RYR3: variants seen among roughly 807,000 people sequenced by gnomAD.
RYR3 encodes the protein ryanodine receptor 3.
Under a neutral mutation model 584.3 loss-of-function variants are expected in RYR3, and 207 were observed. The ratio of observed to expected loss-of-function variants is 0.35; its 90% CI spans 0.32 to 0.40. RYR3 has a LOEUF of 0.40. Among genes scored for constraint, RYR3 ranks in the 10% least tolerant of loss-of-function variants. The pLI is 1.00. For synonymous variants in RYR3, 2,416 were observed against 2,248.5 expected, an observed-to-expected ratio of 1.07 and a Z score of -2.11; for missense variants, 5,616 against 6,089.2, an observed-to-expected ratio of 0.92 and a Z score of 2.59.
At chr15:33,491,887 G>A (rs2050992290) in intron 2 of RYR3, among the ~76,000 whole-genome samples, 1 of 152,166 alleles carries the variant, frequency 6.6e-6, no homozygotes, top group African/African-American at 2.4e-5. Flanking sequence ...TGCCCTGGGT[G>A]AAAGATGTCA....
At position 33,652,888 on chromosome 15, in the gene RYR3, G is replaced by C. The variant is rs750848461; in HGVS notation, c.4308+5G>C. The C allele has an allele frequency of 3.1e-6, 5 of 1,603,034 alleles. No individual in the cohort carries two copies. The highest frequency in any genetic ancestry group is 4.3e-6 in the Non-Finnish European group (5 of 1,174,430). On this transcript the variant is annotated splice_donor_5th_base_variant and intron_variant, in intron 32 of 103. Transcript: ENST00000634891. ...GAACTGGGCACCTGCTACCAGGTAA[G>C]GGCGGCTTCTGGGGCCGAAACAGGG...
intron 76 of RYR3, among the ~76,000 whole-genome samples, chr15:33,819,037 C>G (rs1394223514): frequency 6.6e-6 from 1 of 152,080 alleles, no homozygotes; most frequent in East Asian, 1.9e-4. Flanking sequence ...GCAGGACAAT[C>G]GCTTGAACCC....
At chr15:33,626,237 G>A (rs577834018) in intron 20 of RYR3, among the ~76,000 whole-genome samples, 28 of 152,342 alleles carry the variant, frequency 1.8e-4, no homozygotes, top group African/African-American at 6.3e-4. Context: ...CCAAAGTGCT[G>A]ATAGTTATAT....
chr15:33,831,209 C>A (rs2077655912), intron 86 of RYR3, 118 bp downstream of exon 86: 1 of 923,024 alleles, frequency 1.1e-6, no homozygotes, highest in Non-Finnish European at 1.5e-6. Flanking sequence ...AGCCCTAATG[C>A]TGACAATTTT....
At chr15:33,775,821 C>T (rs1456759403) in intron 64 of RYR3, among the ~76,000 whole-genome samples, 2 of 152,216 alleles carry the variant, frequency 1.3e-5, no homozygotes, top group Admixed American at 6.5e-5. Flanking sequence ...CACACTTCAT[C>T]CTCATTGTTT....
At chr15:33,551,432 T>C (rs1413571731) in intron 10 of RYR3, among the ~76,000 whole-genome samples, 1 of 152,220 alleles carries the variant, frequency 6.6e-6, no homozygotes, top group Non-Finnish European at 1.5e-5. Context: ...TGCTTCCTAA[T>C]GCACCTGAAG....
At chr15:33,381,066 T>C (rs2041151812) in intron 1 of RYR3, among the ~76,000 whole-genome samples, 1 of 152,194 alleles carries the variant, frequency 6.6e-6, no homozygotes, top group Non-Finnish European at 1.5e-5. Context: ...GTCTATTAGA[T>C]CAATTTTCCT....
At chr15:33,539,723 G>A (rs75933233) in intron 6 of RYR3, among the ~76,000 whole-genome samples, 4,979 of 152,114 alleles carry the variant, frequency 0.033, 77 homozygotes, top group African/African-American at 0.042. Flanking sequence ...CTGATAATGT[G>A]AATAGCCTGT....
rs2061416475 is a variant in RYR3, at chr15:33,634,584, A to G, written c.3028-2A>G. On this transcript the variant is annotated splice_acceptor_variant, in intron 24 of 103. Coordinates refer to ENST00000634891, the MANE Select transcript of RYR3 (RefSeq NM_001036.6). LOFTEE classifies it high-confidence loss of function. Reference sequence around the variant, plus strand: ...GCACCTTTTTTCTCTGGCGTCACATAGGATTTGAAGAACAAAAGAAATCCC... The same window carrying G: ...GCACCTTTTTTCTCTGGCGTCACATGGGATTTGAAGAACAAAAGAAATCCC... The G allele has an allele frequency of 1.2e-6, 2 of 1,613,760 alleles. No homozygotes were observed. Among genetic ancestry groups the G allele is most frequent in the Non-Finnish European group, 1.7e-6 (2 of 1,179,794 alleles).
At chr15:33,673,767 A>G (rs1214081895) in intron 38 of RYR3, among the ~76,000 whole-genome samples, 1 of 152,246 alleles carries the variant, frequency 6.6e-6, no homozygotes, top group Non-Finnish European at 1.5e-5. Flanking sequence ...GATCTCTGCC[A>G]TTTGTTGAAT....
At chr15:33,410,799 G>T (rs1480512387) in intron 1 of RYR3, among the ~76,000 whole-genome samples, 1 of 152,200 alleles carries the variant, frequency 6.6e-6, no homozygotes, top group Non-Finnish European at 1.5e-5. Flanking sequence ...ACCCAAGATT[G>T]GGTAATTTAT....
At chr15:33,334,082 A>G (rs189409538) in intron 1 of RYR3, among the ~76,000 whole-genome samples, 3 of 152,364 alleles carry the variant, frequency 2.0e-5, no homozygotes, top group African/African-American at 7.2e-5. Context: ...GGAAGAATCA[A>G]TGTTGTTAAA....
At chr15:33,348,725 C>T (rs1972798387) in intron 1 of RYR3, among the ~76,000 whole-genome samples, 1 of 152,116 alleles carries the variant, frequency 6.6e-6, no homozygotes, top group Non-Finnish European at 1.5e-5. Flanking sequence ...ATCTGCCCAC[C>T]TCTGCCTCCC....
At position 33,861,069 on chromosome 15, in the gene RYR3, T is replaced by G; in HGVS notation, c.14365-9T>G. On this transcript the variant is annotated splice_polypyrimidine_tract_variant and intron_variant, in intron 101 of 103. Transcript: ENST00000634891. Reference sequence around the variant, plus strand: ...AACAAATGCCTTTTCTGCCTGTTATTTTTCTTAGACTAAATGTTTCATCTG... The same window carrying G: ...AACAAATGCCTTTTCTGCCTGTTATGTTTCTTAGACTAAATGTTTCATCTG... 6.4e-7 allele frequency: 1 copy of G among 1,570,886 alleles called. No homozygotes were observed.
At chr15:33,566,422 T>C (rs1234965255) in intron 11 of RYR3, among the ~76,000 whole-genome samples, 1 of 152,208 alleles carries the variant, frequency 6.6e-6, no homozygotes, top group East Asian at 1.9e-4. Context: ...GCCTGAGGAA[T>C]ATGTGGTAAC....
At chr15:33,416,052 T>C (rs1194484774) in intron 1 of RYR3, among the ~76,000 whole-genome samples, 1 of 152,224 alleles carries the variant, frequency 6.6e-6, no homozygotes, top group Non-Finnish European at 1.5e-5. Flanking sequence ...TTTATGGCTA[T>C]GTAGCATTCC....
At chr15:33,826,484 A>G (rs924877915) in intron 83 of RYR3, among the ~76,000 whole-genome samples, 188 bp from the exon 84 acceptor site, 2 of 152,204 alleles carry the variant, frequency 1.3e-5, no homozygotes, top group Non-Finnish European at 2.9e-5. Flanking sequence ...CTTCATTACA[A>G]ATGCATTTAT....
intron 40 of RYR3, among the ~76,000 whole-genome samples, chr15:33,698,642 T>G: frequency 6.6e-6 from 1 of 150,886 alleles, no homozygotes; most frequent in Non-Finnish European, 1.5e-5. Context: ...TAGGAAGGGA[T>G]GATTTCTGGT....
At chr15:33,642,790 C>A (rs546145285) in intron 27 of RYR3, among the ~76,000 whole-genome samples, 1 of 152,306 alleles carries the variant, frequency 6.6e-6, no homozygotes, top group East Asian at 1.9e-4. Context: ...AGGGACCAGT[C>A]CGTTGACTGT....
Sources: allele counts gnomAD v4.1 joint callset (sites outside exome capture counted in the v4.1 genomes callset), GRCh38; gene constraint gnomAD v4.1.1; transcripts MANE v1.5; gene names NCBI Gene and HGNC (gene_info 2026-07-23, HGNC 2026-07-21).